The following MYO1D variants were observed in gnomAD, a reference collection of about 807,000 sequenced individuals.
The protein encoded by MYO1D is myosin ID, also known as unconventional myosin-Id.
A neutral mutation model predicts 122.0 loss-of-function variants in MYO1D; 83 were observed. The observed-to-expected ratio is 0.68, with a 90% CI of 0.57 to 0.82. MYO1D has a LOEUF of 0.82. Among genes scored for constraint, MYO1D ranks in the 40% least tolerant of loss-of-function variants. The probability of loss-of-function intolerance (pLI) is 0.00; values close to 1 mark genes in which losing one functional copy is unlikely to be tolerated. For missense variants in MYO1D, 1,157 were observed against 1,269.5 expected, an observed-to-expected ratio of 0.91 and a Z score of 1.35; for synonymous variants, 464 against 446.9, an observed-to-expected ratio of 1.04 and a Z score of -0.48.
At chr17:32,832,376 C>T (rs1346298240) in intron 1 of MYO1D, among the ~76,000 whole-genome samples, 1 of 151,710 alleles carries the variant, frequency 6.6e-6, no homozygotes, top group Non-Finnish European at 1.5e-5. Flanking sequence ...TCTTGGCTCA[C>T]TGCAAGCTCC....
At chr17:32,833,243 T>C (rs961156215) in intron 1 of MYO1D, among the ~76,000 whole-genome samples, 1 of 152,246 alleles carries the variant, frequency 6.6e-6, no homozygotes, top group Non-Finnish European at 1.5e-5. Context: ...AATCCATTTA[T>C]CTTCAAAGTA....
At chr17:32,874,284 C>A (rs2091208129) in intron 1 of MYO1D, among the ~76,000 whole-genome samples, 1 of 151,568 alleles carries the variant, frequency 6.6e-6, no homozygotes, top group Non-Finnish European at 1.5e-5. Context: ...CCCTTCCTTC[C>A]TCTTTATCTG....
At chr17:32,822,432 C>CT (rs2090675691) in intron 1 of MYO1D, among the ~76,000 whole-genome samples, 1 of 150,932 alleles carries the variant, frequency 6.6e-6, no homozygotes, top group East Asian at 1.9e-4. Context: ...GTTCGTCTTC[C>CT]TCCCTCCCGG....
chr17:32,722,255 C>T (rs1360090532), intron 14 of MYO1D, among the ~76,000 whole-genome samples: 1 of 152,120 alleles, frequency 6.6e-6, no homozygotes, highest in African/African-American at 2.4e-5. Context: ...GTATTAGTTT[C>T]CTATTGCTGC....
rs2090202465 is a variant in MYO1D, at chr17:32,778,460, C to A, written c.398+20G>T. 1 of 1,598,662 alleles carries A rather than the reference C, an allele frequency of 6.3e-7. No individual in the cohort carries two copies. Among genetic ancestry groups the A allele is most frequent in the Admixed American group, 1.7e-5 (1 of 59,958 alleles). ...AAACAGAGTGCTAAGAATTCCTCCCCATTATTAGAGTGCTCTTACCTTTCA... is the reference window on the plus strand; with the variant it reads ...AAACAGAGTGCTAAGAATTCCTCCCAATTATTAGAGTGCTCTTACCTTTCA... On this transcript the variant is annotated intron_variant, in intron 3 of 21. Transcript: ENST00000318217.
chr17:32,739,870 G>A (rs770071329), intron 13 of MYO1D, among the ~76,000 whole-genome samples: 1 of 152,188 alleles, frequency 6.6e-6, no homozygotes, highest in Non-Finnish European at 1.5e-5. Flanking sequence ...ATGGTAATGT[G>A]TGGATTGACT....
intron 21 of MYO1D, among the ~76,000 whole-genome samples, chr17:32,551,819 G>A (rs764078614): frequency 1.3e-5 from 2 of 152,162 alleles, no homozygotes; most frequent in African/African-American, 4.8e-5. Context: ...CCTGTACAGA[G>A]CCTGGCACAT....
intron 21 of MYO1D, among the ~76,000 whole-genome samples, chr17:32,576,823 ATTT>A (rs987969698): frequency 2.6e-5 from 4 of 152,164 alleles, no homozygotes; most frequent in African/African-American, 9.7e-5. Context: ...TGCCCAGCTA[ATTT>A]TTTATTTTTA....
intron 14 of MYO1D, among the ~76,000 whole-genome samples, chr17:32,724,161 TG>T (rs2089544395): frequency 6.6e-6 from 1 of 152,192 alleles, no homozygotes; most frequent in Non-Finnish European, 1.5e-5. Flanking sequence ...ACTAGTTTGC[TG>T]GAATAGAATG....
chr17:32,656,482 G>C (rs1375293454), intron 17 of MYO1D, among the ~76,000 whole-genome samples: 2 of 152,172 alleles, frequency 1.3e-5, no homozygotes, highest in African/African-American at 2.4e-5. Flanking sequence ...AAGTGGCAGG[G>C]ACTGGTAGCA....
At chr17:32,844,024 T>A (rs574821486) in intron 1 of MYO1D, among the ~76,000 whole-genome samples, 1 of 151,112 alleles carries the variant, frequency 6.6e-6, no homozygotes, top group African/African-American at 2.4e-5. Context: ...CACATATATA[T>A]ACACATACAT....
intron 1 of MYO1D, among the ~76,000 whole-genome samples, chr17:32,854,185 A>G (rs2091010438): frequency 6.6e-6 from 1 of 152,260 alleles, no homozygotes; most frequent in South Asian, 2.1e-4. Flanking sequence ...TTTCTTTTAC[A>G]TTAATTGCAA....
intron 16 of MYO1D, among the ~76,000 whole-genome samples, chr17:32,690,246 G>A (rs2089078041): frequency 6.7e-6 from 1 of 149,760 alleles, no homozygotes; most frequent in South Asian, 2.1e-4. Context: ...GCAGTGGCGC[G>A]ATCTTGGCTC....
intron 16 of MYO1D, among the ~76,000 whole-genome samples, chr17:32,680,609 G>T (rs1232962583): frequency 7.0e-6 from 1 of 142,030 alleles, no homozygotes; most frequent in Admixed American, 7.2e-5. Context: ...CAGGGATGAA[G>T]CCCACTTGAT....
chr17:32,507,716 G>C (rs1195246887), intron 21 of MYO1D, among the ~76,000 whole-genome samples: 1 of 152,108 alleles, frequency 6.6e-6, no homozygotes, highest in Non-Finnish European at 1.5e-5. Flanking sequence ...GTGAGATCTG[G>C]GCTTTACAGA....
chr17:32,552,427 T>C lies in MYO1D; in HGVS notation c.2864+52660A>G, dbSNP rs868052681. 4.2e-3 allele frequency among the ~76,000 whole-genome samples: 636 copies of C among 149,738 alleles called. 6 individuals carry two copies. Among genetic ancestry groups the C allele is most frequent in the African/African-American group, 0.015 (591 of 40,548 alleles). ...ATCCATCCATCCATCCACCCATCCA[T>C]CCATCCATCCATCCATCCATCCATC... On this transcript the variant is annotated intron_variant, in intron 21 of 21. Coordinates refer to ENST00000318217, the MANE Select transcript of MYO1D (RefSeq NM_015194.3).
intron 21 of MYO1D, among the ~76,000 whole-genome samples, chr17:32,600,651 C>T (rs1234097191): frequency 2.0e-5 from 3 of 151,922 alleles, no homozygotes; most frequent in Non-Finnish European, 4.4e-5. Context: ...CCTCTCTCAG[C>T]CTTCAAAGAA....
At chr17:32,767,836 A>C in intron 6 of MYO1D, 84 bp from the exon 7 acceptor site, 1 of 973,280 alleles carries the variant, frequency 1.0e-6, no homozygotes, top group Non-Finnish European at 1.6e-6. Flanking sequence ...AGTTATACCA[A>C]GGTTTTGCCT....
At chr17:32,764,531 T>C (rs1165334637) in intron 8 of MYO1D, among the ~76,000 whole-genome samples, 1 of 152,166 alleles carries the variant, frequency 6.6e-6, no homozygotes, top group African/African-American at 2.4e-5. Context: ...ACTGTACCCA[T>C]AAACATATAC....
Sources: gnomAD v4.1 joint callset for allele counts (sites outside exome capture counted in the v4.1 genomes callset) on GRCh38, gnomAD v4.1.1 for gene constraint, MANE v1.5 for transcripts, NCBI Gene and HGNC (gene_info 2026-07-23, HGNC 2026-07-21) for gene names.